The following TNS3 variants were observed in gnomAD, a reference collection of about 807,000 sequenced individuals.
TNS3 encodes tensin-3.
Under a neutral mutation model 140.9 loss-of-function variants are expected in TNS3, and 45 were observed. That is an observed-to-expected ratio of 0.32 (90% CI 0.25 to 0.41). TNS3 has a LOEUF of 0.41. Among genes scored for constraint, TNS3 ranks in the 10% least tolerant of loss-of-function variants. The pLI is 1.00. For missense variants in TNS3, 1,716 were observed against 1,906.7 expected, an observed-to-expected ratio of 0.90 and a Z score of 1.86; for synonymous variants, 815 against 788.4, an observed-to-expected ratio of 1.03 and a Z score of -0.56.
At chr7:47,342,316 T>A (rs1384663629) in intron 20 of TNS3, among the ~76,000 whole-genome samples, 2 of 152,228 alleles carry the variant, frequency 1.3e-5, no homozygotes, top group Non-Finnish European at 2.9e-5. Context: ...AGCCTCTCCC[T>A]AATGGTATTT....
intron 4 of TNS3, among the ~76,000 whole-genome samples, chr7:47,443,750 C>G (rs1402629267): frequency 6.6e-6 from 1 of 152,050 alleles, no homozygotes; most frequent in Non-Finnish European, 1.5e-5. Flanking sequence ...GGTGAAACCA[C>G]GTCTCTACTA....
intron 4 of TNS3, among the ~76,000 whole-genome samples, chr7:47,464,990 C>T (rs1457557964): frequency 6.6e-6 from 1 of 152,224 alleles, no homozygotes; most frequent in Non-Finnish European, 1.5e-5. Context: ...TGCGCCTTGG[C>T]CCTATTTCCT....
At chr7:47,339,960 T>TAC (rs1175628369) in intron 20 of TNS3, among the ~76,000 whole-genome samples, 1 of 124,538 alleles carries the variant, frequency 8.0e-6, no homozygotes, top group Non-Finnish European at 1.6e-5. Flanking sequence ...AAGTGGCATA[T>TAC]ATATATATAT....
rs758312682 is a variant in TNS3 at position 47,346,192 on chromosome 7, T to G, written c.2446A>C (p.Lys816Gln). Residue 816 changes from lysine (K) to glutamine (Q), a missense_variant, in exon 18 of 31, where the codon AAA (lysine) becomes CAA (glutamine). Physicochemically the swap from Lys to Gln is moderately conservative, Grantham distance 53. Coordinates refer to ENST00000311160, the MANE Select transcript of TNS3 (RefSeq NM_022748.12). ...LPPFPSPADVKETMTPGYPQD... is the reference protein window; with the variant it reads ...LPPFPSPADVQETMTPGYPQD... ...GACCTGGCTGTGGCACATACCTCTT[T>G]GACGTCCGCTGGTGAGGGGAATGGC... 11 of 1,613,952 alleles carry G rather than the reference T, an allele frequency of 6.8e-6. No homozygotes were observed. The African/African-American group carries it at 1.1e-4, about 16-fold the overall frequency.
intron 3 of TNS3, among the ~76,000 whole-genome samples, chr7:47,505,017 G>A (rs1244958155): frequency 6.6e-6 from 1 of 152,098 alleles, no homozygotes; most frequent in Non-Finnish European, 1.5e-5. Context: ...AGCAGCCGGC[G>A]ACAGGCTTCA....
At chr7:47,416,081 CCACTGTAGCCTCAA>C (rs1794065904) in intron 10 of TNS3, among the ~76,000 whole-genome samples, 1 of 152,244 alleles carries the variant, frequency 6.6e-6, no homozygotes, top group South Asian at 2.1e-4. Context: ...CACATAACCT[CCACTGTAGCCTCAA>C]CACCTTGCAT....
chr7:47,354,236 G>A (rs931137836), intron 17 of TNS3, among the ~76,000 whole-genome samples: 60 of 152,178 alleles, frequency 3.9e-4, no homozygotes, highest in Admixed American at 1.8e-3. Flanking sequence ...ATGGGAGCAG[G>A]AGAGAGCTGC....
intron 9 of TNS3, among the ~76,000 whole-genome samples, chr7:47,427,145 A>C (rs956614961): frequency 6.3e-5 from 9 of 142,518 alleles, no homozygotes; most frequent in African/African-American, 2.3e-4. Flanking sequence ...AAAAAAAAAA[A>C]CAGAAGTGCT....
chr7:47,481,626 G>A, intron 3 of TNS3: 1 of 979,694 alleles, frequency 1.0e-6, no homozygotes, highest in Non-Finnish European at 1.2e-6. Context: ...AAGTAGAACT[G>A]AAGAGTCTGA....
chr7:47,522,496 A>G (rs984468584), intron 2 of TNS3, among the ~76,000 whole-genome samples: 1 of 152,208 alleles, frequency 6.6e-6, no homozygotes, highest in Non-Finnish European at 1.5e-5. Flanking sequence ...TCAACAGACC[A>G]TGGCACCTCA....
Position 47,389,109 on chromosome 7 carries a change from C to CAGAAGAAGAAGAAGAAGA in TNS3, c.1024+7673_1024+7690dup, listed in dbSNP as rs140799405. Among the ~76,000 whole-genome samples the CAGAAGAAGAAGAAGAAGA allele has an allele frequency of 2.2e-4, 13 of 59,132 alleles. 1 individual carries two copies. Among genetic ancestry groups the CAGAAGAAGAAGAAGAAGA allele is most frequent in the African/African-American group, 8.1e-4 (12 of 14,766 alleles). The allele number at this position is 59,132 out of a possible 152,430, so 38.8% of individuals were successfully genotyped here. ...GAGGAAGAGGAAGAGGAAGCGGAAG[C>CAGAAGAAGAAGAAGAAGA]AGAAGAAGAAGAAGAAGAAGAAGAA... is the stretch of plus-strand genomic sequence containing the variant. On this transcript the variant is annotated intron_variant, in intron 16 of 30. Coordinates refer to ENST00000311160, the MANE Select transcript of TNS3 (RefSeq NM_022748.12).
chr7:47,571,520 C>T (rs1176152128), intron 1 of TNS3, among the ~76,000 whole-genome samples: 2 of 152,356 alleles, frequency 1.3e-5, no homozygotes, highest in Admixed American at 1.3e-4. Flanking sequence ...CCAGAGCTGA[C>T]AAGAGGCGAA....
chr7:47,483,725 G>T (rs970836460), intron 3 of TNS3, among the ~76,000 whole-genome samples: 4 of 152,194 alleles, frequency 2.6e-5, no homozygotes, highest in Admixed American at 6.5e-5. Flanking sequence ...GCCCCAGGGT[G>T]TCCTACAGAA....
At chr7:47,346,064 T>C (rs1386629602) in intron 18 of TNS3, 123 bp downstream of exon 18, 10 of 1,266,228 alleles carry the variant, frequency 7.9e-6, no homozygotes, top group East Asian at 2.4e-5. Flanking sequence ...GGAAGGTGGG[T>C]GCGGAGGATA....
At position 47,524,566 on chromosome 7, in the gene TNS3, G is replaced by T. The variant is rs559013962; in HGVS notation, c.-153+4470C>A. Reference sequence around the variant, plus strand: ...GCCTGTAATCCCAGCACTTTGGGAGGCCGAGGCGGGTGGATCATGAGGTCA... The same window carrying T: ...GCCTGTAATCCCAGCACTTTGGGAGTCCGAGGCGGGTGGATCATGAGGTCA... On this transcript the variant is annotated intron_variant, in intron 2 of 30. Coordinates refer to ENST00000311160, the MANE Select transcript of TNS3 (RefSeq NM_022748.12). 3.3e-5 allele frequency among the ~76,000 whole-genome samples: 5 copies of T among 151,938 alleles called. No homozygotes were observed. In the South Asian group the frequency reaches 1.0e-3, roughly 32 times the overall value.
At chr7:47,434,305 G>A (rs1387316607) in intron 8 of TNS3, among the ~76,000 whole-genome samples, 7 of 127,794 alleles carry the variant, frequency 5.5e-5, no homozygotes, top group East Asian at 2.3e-4. Context: ...AAAAGAGTCC[G>A]GAAGAAAAAA....
At chr7:47,544,416 C>T (rs1318480173) in intron 1 of TNS3, among the ~76,000 whole-genome samples, 5 of 152,028 alleles carry the variant, frequency 3.3e-5, no homozygotes, top group Admixed American at 1.3e-4. Flanking sequence ...CACGAGGTGA[C>T]GATATTAGGA....
At chr7:47,499,897 G>A (rs1443587003) in intron 3 of TNS3, among the ~76,000 whole-genome samples, 1 of 152,106 alleles carries the variant, frequency 6.6e-6, no homozygotes, top group Non-Finnish European at 1.5e-5. Context: ...GTGCTGTTCT[G>A]GTGCGGCGAT....
At chr7:47,408,267 T>G (rs1308389573) in intron 13 of TNS3, among the ~76,000 whole-genome samples, 1 of 152,078 alleles carries the variant, frequency 6.6e-6, no homozygotes, top group African/African-American at 2.4e-5. Flanking sequence ...TGGGCCTGCC[T>G]CATTTATCAA....
Sources: gnomAD v4.1 joint callset for allele counts (sites outside exome capture counted in the v4.1 genomes callset) on GRCh38, gnomAD v4.1.1 for gene constraint, MANE v1.5 for transcripts, NCBI Gene and HGNC (gene_info 2026-07-23, HGNC 2026-07-21) for gene names.